Variants in ADAMTSL1 observed in about 807,000 individuals in gnomAD.
The protein encoded by ADAMTSL1 is ADAMTS like 1, also known as ADAMTS-like protein 1.
Under a neutral mutation model 201.8 loss-of-function variants are expected in ADAMTSL1, and 126 were observed. The ratio of observed to expected loss-of-function variants is 0.62; its 90% CI spans 0.54 to 0.72. ADAMTSL1 has a LOEUF of 0.72. ADAMTSL1 is among the 30% of genes least tolerant of loss of function. ADAMTSL1 has a pLI of 0.00. For missense variants in ADAMTSL1, 2,679 were observed against 2,277.8 expected (o/e 1.18, Z -3.59); for synonymous variants, 1,121 against 903.4 (o/e 1.24, Z -4.32).
At chr9:18,746,789 A>AT in intron 15 of ADAMTSL1, among the ~76,000 whole-genome samples, 1 of 152,174 alleles carries the variant, frequency 6.6e-6, no homozygotes. Flanking sequence ...AAAAAAAAAA[A>AT]AAAATTCCTC....
chr9:18,236,770 A>G (rs548473976), intron 2 of ADAMTSL1, among the ~76,000 whole-genome samples: 9 of 152,354 alleles, frequency 5.9e-5, no homozygotes, highest in South Asian at 2.1e-4. Flanking sequence ...TATTATATAT[A>G]CTTTTGGAAA....
chr9:18,802,875 A>G (rs936415945), intron 20 of ADAMTSL1, among the ~76,000 whole-genome samples: 12 of 152,170 alleles, frequency 7.9e-5, no homozygotes, highest in African/African-American at 2.9e-4. Flanking sequence ...AGTTGTTTTC[A>G]TCTATCATTT....
At chr9:18,592,363 AT>A (rs1427829946) in intron 4 of ADAMTSL1, among the ~76,000 whole-genome samples, 1 of 152,062 alleles carries the variant, frequency 6.6e-6, no homozygotes, top group African/African-American at 2.4e-5. Context: ...AAATTATGAT[AT>A]TTTTTCTGAT....
intron 2 of ADAMTSL1, among the ~76,000 whole-genome samples, chr9:18,297,533 G>A (rs1173458399): frequency 6.6e-6 from 1 of 152,068 alleles, no homozygotes; most frequent in Non-Finnish European, 1.5e-5. Context: ...GTTGCCACAC[G>A]AAAATTAAAG....
intron 1 of ADAMTSL1, among the ~76,000 whole-genome samples, chr9:17,928,419 A>G (rs1283689327): frequency 6.6e-6 from 1 of 152,200 alleles, no homozygotes. Context: ...CACATTGGAA[A>G]TCAGCCAATG....
intron 1 of ADAMTSL1, among the ~76,000 whole-genome samples, chr9:18,034,914 C>T (rs770887063): frequency 1.1e-4 from 17 of 152,078 alleles, no homozygotes; most frequent in African/African-American, 2.4e-4. Flanking sequence ...TTAAACTCCT[C>T]GGTATGGTAA....
At chr9:18,375,715 A>G (rs1837260571) in intron 2 of ADAMTSL1, among the ~76,000 whole-genome samples, 1 of 152,240 alleles carries the variant, frequency 6.6e-6, no homozygotes, top group Non-Finnish European at 1.5e-5. Flanking sequence ...GGAGAGTGAA[A>G]GAACAAACCT....
intron 1 of ADAMTSL1, among the ~76,000 whole-genome samples, chr9:18,149,043 G>A (rs1826783362): frequency 6.6e-6 from 1 of 152,022 alleles, no homozygotes; most frequent in Non-Finnish European, 1.5e-5. Flanking sequence ...TGTTTATGGA[G>A]AACTGGGAAT....
At chr9:18,071,446 G>A (rs767626796) in intron 1 of ADAMTSL1, among the ~76,000 whole-genome samples, 8 of 152,182 alleles carry the variant, frequency 5.3e-5, no homozygotes, top group Non-Finnish European at 1.0e-4. Flanking sequence ...TAAAGGAACC[G>A]GAGTTCAGAA....
intron 2 of ADAMTSL1, among the ~76,000 whole-genome samples, chr9:18,224,884 T>C (rs1469423147): frequency 6.6e-6 from 1 of 152,178 alleles, no homozygotes; most frequent in South Asian, 2.1e-4. Context: ...GTCCTTTTGG[T>C]GTTCCGTAAT....
chr9:18,764,306 T>C (rs1307097435), intron 16 of ADAMTSL1, among the ~76,000 whole-genome samples: 1 of 152,220 alleles, frequency 6.6e-6, no homozygotes, highest in East Asian at 1.9e-4. Flanking sequence ...CTGTTGAACA[T>C]AGAGAAATAC....
chr9:18,547,453 T>C (rs1474637687), intron 3 of ADAMTSL1, among the ~76,000 whole-genome samples: 1 of 151,814 alleles, frequency 6.6e-6, no homozygotes. Context: ...ATAGTGCTGA[T>C]TTCATAGGCT....
intron 2 of ADAMTSL1, among the ~76,000 whole-genome samples, chr9:18,350,593 C>A (rs76650141): frequency 0.018 from 2,663 of 152,164 alleles, 69 homozygotes; most frequent in African/African-American, 0.059. Context: ...AGGGGGTGTT[C>A]TTGACTCCAC....
chr9:18,865,335 C>G (rs924262444), intron 23 of ADAMTSL1, among the ~76,000 whole-genome samples: 1 of 152,148 alleles, frequency 6.6e-6, no homozygotes, highest in Admixed American at 6.5e-5. Context: ...ATGATGGTTT[C>G]CAGCTTCATC....
intron 23 of ADAMTSL1, among the ~76,000 whole-genome samples, chr9:18,875,636 T>G (rs1010638065): frequency 1.3e-5 from 2 of 152,334 alleles, no homozygotes; most frequent in East Asian, 3.9e-4. Flanking sequence ...TTTGATTTTC[T>G]TAAATTTACT....
At chr9:18,099,357 T>TA (rs58492343) in intron 1 of ADAMTSL1, among the ~76,000 whole-genome samples, 767 of 56,928 alleles carry the variant, frequency 0.013, 26 homozygotes, top group African/African-American at 0.037. Flanking sequence ...ATATATATAT[T>TA]TTTTTTTTTT....
At chr9:18,113,692 T>G (rs944073526) in intron 1 of ADAMTSL1, among the ~76,000 whole-genome samples, 5 of 152,082 alleles carry the variant, frequency 3.3e-5, no homozygotes, top group African/African-American at 1.2e-4. Context: ...TTTAAAAAAT[T>G]AAACATCTAA....
intron 16 of ADAMTSL1, among the ~76,000 whole-genome samples, chr9:18,756,797 ACTCT>A (rs779350761): frequency 6.6e-6 from 1 of 151,120 alleles, no homozygotes; most frequent in African/African-American, 2.4e-5. Context: ...GAGGGGAGAA[ACTCT>A]CTCTCCTCTC....
chr9:18,834,540 G>A (rs1189673551), intron 23 of ADAMTSL1, among the ~76,000 whole-genome samples: 1 of 152,070 alleles, frequency 6.6e-6, no homozygotes, highest in Non-Finnish European at 1.5e-5. Flanking sequence ...GTATACACCT[G>A]TGAAATCATC....
Sources: allele counts gnomAD v4.1 joint callset (sites outside exome capture counted in the v4.1 genomes callset), GRCh38; gene constraint gnomAD v4.1.1; transcripts MANE v1.5; gene names NCBI Gene and HGNC (gene_info 2026-07-23, HGNC 2026-07-21).